The following ATG5 variants were observed in gnomAD, a reference collection of about 807,000 sequenced individuals.
ATG5 encodes the protein autophagy related 5.
A neutral mutation model predicts 36.5 loss-of-function variants in ATG5; 14 were observed. That is an observed-to-expected ratio of 0.38 (90% CI 0.25 to 0.60). The LOEUF is 0.60. ATG5 is among the 20% of genes least tolerant of loss of function. The probability of loss-of-function intolerance (pLI) is 0.60; values close to 1 mark genes in which losing one functional copy is unlikely to be tolerated. For synonymous variants in ATG5, 95 were observed against 101.5 expected (o/e 0.94, Z 0.38); for missense variants, 195 against 326.7 (o/e 0.60, Z 3.11).
In ATG5 at chr6:106,184,598, C is replaced by T. The variant is rs955326615; in HGVS notation, c.*1942G>A. 7 of 152,258 alleles carry T rather than the reference C, an allele frequency of 4.6e-5. No individual in the cohort carries two copies. The allele number at this position is 152,258 out of a possible 1,614,324, so 9.4% of individuals were successfully genotyped here. On this transcript the variant is annotated 3_prime_UTR_variant, in exon 8 of 8. Coordinates refer to ENST00000369076, the MANE Select transcript of ATG5 (RefSeq NM_004849.4). ...TTCCTCTAGGGCATTGTAGGCTTGA[C>T]TTACCTGGGATTAGAGTAATAAAGC... is the stretch of plus-strand genomic sequence containing the variant.
chr6:106,285,255 T>A (rs1780031892), intron 4 of ATG5, among the ~76,000 whole-genome samples: 2 of 152,218 alleles, frequency 1.3e-5, no homozygotes, highest in South Asian at 4.1e-4. Flanking sequence ...TCTACAATTT[T>A]GTGGTTTTTT....
intron 5 of ATG5, among the ~76,000 whole-genome samples, chr6:106,269,581 C>G (rs1047209972): frequency 5.3e-5 from 8 of 152,368 alleles, no homozygotes; most frequent in African/African-American, 9.6e-5. Flanking sequence ...GGTGAGAAAT[C>G]GAGTGCAGCG....
At chr6:106,293,681 C>T (rs186984907) in intron 3 of ATG5, among the ~76,000 whole-genome samples, 86 of 152,202 alleles carry the variant, frequency 5.7e-4, no homozygotes, top group Admixed American at 1.2e-3. Flanking sequence ...AACATTTTCC[C>T]AAGCCACTGA....
chr6:106,279,888 G>T, intron 4 of ATG5, 65 bp from the exon 5 acceptor site: 1 of 1,094,246 alleles, frequency 9.1e-7, no homozygotes, highest in South Asian at 3.2e-5. Flanking sequence ...CCTCTTAAAA[G>T]AGAACTATAT....
chr6:106,226,639 T>G (rs1777462742), intron 6 of ATG5, among the ~76,000 whole-genome samples: 2 of 152,248 alleles, frequency 1.3e-5, no homozygotes, highest in Admixed American at 1.3e-4. Context: ...CTGTCTGGTC[T>G]AGAACTTCTT....
intron 5 of ATG5, among the ~76,000 whole-genome samples, chr6:106,261,868 G>T (rs1779033210): frequency 6.6e-6 from 1 of 152,160 alleles, no homozygotes; most frequent in Admixed American, 6.5e-5. Context: ...CATCTAGTCT[G>T]TAGAGGCCAG....
chr6:106,232,668 A>G (rs1464752038), intron 6 of ATG5, among the ~76,000 whole-genome samples: 1 of 152,126 alleles, frequency 6.6e-6, no homozygotes, highest in Non-Finnish European at 1.5e-5. Flanking sequence ...AAAGCATGCA[A>G]TAGCCCCTAC....
intron 2 of ATG5, among the ~76,000 whole-genome samples, chr6:106,314,936 TA>T (rs1240363007): frequency 6.6e-6 from 1 of 152,212 alleles, no homozygotes; most frequent in Non-Finnish European, 1.5e-5. Flanking sequence ...CGAACTTCTC[TA>T]AAACTATCAT....
At chr6:106,321,638 G>A (rs1431336335) in intron 1 of ATG5, among the ~76,000 whole-genome samples, 1 of 152,104 alleles carries the variant, frequency 6.6e-6, no homozygotes, top group Admixed American at 6.5e-5. Flanking sequence ...GATTACAGGC[G>A]TGAGCCACCG....
At chr6:106,201,368 T>C (rs1754691497) in intron 7 of ATG5, among the ~76,000 whole-genome samples, 1 of 152,152 alleles carries the variant, frequency 6.6e-6, no homozygotes, top group Non-Finnish European at 1.5e-5. Flanking sequence ...CTGCATTTTC[T>C]TGGTGTTCTT....
chr6:106,208,415 A>C (rs1776722367), intron 6 of ATG5, among the ~76,000 whole-genome samples: 1 of 152,246 alleles, frequency 6.6e-6, no homozygotes, highest in Non-Finnish European at 1.5e-5. Flanking sequence ...GCATAGTCTA[A>C]TTTAATACTA....
intron 6 of ATG5, among the ~76,000 whole-genome samples, chr6:106,208,059 T>C (rs1776706256): frequency 6.6e-6 from 1 of 152,162 alleles, no homozygotes. Context: ...GCCACTGCAC[T>C]CTAGCCTGGG....
At chr6:106,299,901 C>T (rs1770134492) in intron 3 of ATG5, among the ~76,000 whole-genome samples, 1 of 152,174 alleles carries the variant, frequency 6.6e-6, no homozygotes, top group Non-Finnish European at 1.5e-5. Context: ...TTCTGATTCA[C>T]TGGAAACGGG....
At chr6:106,287,114 G>C (rs1233053290) in intron 4 of ATG5, among the ~76,000 whole-genome samples, 1 of 152,150 alleles carries the variant, frequency 6.6e-6, no homozygotes, top group African/African-American at 2.4e-5. Context: ...TTTATAGCTG[G>C]GAAGTGCAGG....
chr6:106,188,791 GTAAC>G (rs975197801), intron 7 of ATG5, among the ~76,000 whole-genome samples: 1 of 152,168 alleles, frequency 6.6e-6, no homozygotes, highest in Non-Finnish European at 1.5e-5. Flanking sequence ...CTAAATTTAA[GTAAC>G]TAAGGAAAGA....
intron 6 of ATG5, among the ~76,000 whole-genome samples, chr6:106,219,648 C>T (rs1375608051): frequency 6.6e-6 from 1 of 152,128 alleles, no homozygotes; most frequent in Non-Finnish European, 1.5e-5. Context: ...ATATCAGACT[C>T]TCAAACATCA....
intron 5 of ATG5, among the ~76,000 whole-genome samples, chr6:106,273,106 C>G (rs549579611): frequency 6.6e-6 from 1 of 152,042 alleles, no homozygotes; most frequent in East Asian, 1.9e-4. Flanking sequence ...GAAGCTTATC[C>G]AATATCAGTC....
At chr6:106,238,381 A>T (rs1777980857) in intron 6 of ATG5, among the ~76,000 whole-genome samples, 1 of 152,222 alleles carries the variant, frequency 6.6e-6, no homozygotes, top group Non-Finnish European at 1.5e-5. Context: ...CTTACCCCAA[A>T]TATTACTGTA....
chr6:106,303,941 C>T (rs1354370288), intron 3 of ATG5, among the ~76,000 whole-genome samples: 1 of 148,522 alleles, frequency 6.7e-6, no homozygotes, highest in African/African-American at 2.5e-5. Flanking sequence ...TCTTATCCAA[C>T]ACAGTACTAG....
Sources: allele counts gnomAD v4.1 joint callset (sites outside exome capture counted in the v4.1 genomes callset), GRCh38; gene constraint gnomAD v4.1.1; transcripts MANE v1.5; gene names NCBI Gene and HGNC (gene_info 2026-07-23, HGNC 2026-07-21).